Variants in LMX1A observed in about 807,000 individuals in gnomAD.
The protein encoded by LMX1A is LIM homeobox transcription factor 1-alpha.
Under a neutral mutation model 49.1 loss-of-function variants are expected in LMX1A, and 15 were observed. That is an observed-to-expected ratio of 0.31 (90% CI 0.20 to 0.47). The LOEUF (loss-of-function observed/expected upper bound fraction) is 0.47, where lower values mean the gene tolerates loss of function less well. Ranked by LOEUF, LMX1A falls within the 20% of genes least tolerant of loss-of-function variation. The pLI is 1.00. For missense variants in LMX1A, 372 were observed against 475.8 expected (o/e 0.78, Z 2.03); for synonymous variants, 167 against 185.7 (o/e 0.90, Z 0.82).
chr1:165,325,008 C>A (rs1655524417), intron 3 of LMX1A, among the ~76,000 whole-genome samples: 1 of 152,204 alleles, frequency 6.6e-6, no homozygotes, highest in Non-Finnish European at 1.5e-5. Flanking sequence ...CTTATGTGAG[C>A]TAAATGTCTC....
intron 6 of LMX1A, 130 bp downstream of exon 6, chr1:165,210,569 T>G (rs1173245325): frequency 9.8e-6 from 5 of 508,166 alleles, no homozygotes; most frequent in Non-Finnish European, 1.7e-5. Context: ...ATAACAGAAT[T>G]TTTGAATCAA....
At chr1:165,340,410 G>GT (rs1557889967) in intron 3 of LMX1A, among the ~76,000 whole-genome samples, 4 of 152,078 alleles carry the variant, frequency 2.6e-5, no homozygotes, top group African/African-American at 9.7e-5. Flanking sequence ...ACTACGCTTG[G>GT]TAAGGGCAAA....
chr1:165,273,875 A>T (rs1653881407), intron 3 of LMX1A, among the ~76,000 whole-genome samples: 1 of 152,348 alleles, frequency 6.6e-6, no homozygotes, highest in Non-Finnish European at 1.5e-5. Flanking sequence ...GGGAGGGCAT[A>T]GAGGACCATG....
chr1:165,297,302 T>C (rs1190959023), intron 3 of LMX1A, among the ~76,000 whole-genome samples: 1 of 152,242 alleles, frequency 6.6e-6, no homozygotes, highest in African/African-American at 2.4e-5. Flanking sequence ...AAAAGTCAGA[T>C]GCTCAGGCCA....
At chr1:165,257,945 C>T (rs780226473) in intron 3 of LMX1A, among the ~76,000 whole-genome samples, 1 of 152,236 alleles carries the variant, frequency 6.6e-6, no homozygotes, top group Non-Finnish European at 1.5e-5. Flanking sequence ...TCACAGCCAT[C>T]TGTAGCTTTG....
intron 4 of LMX1A, among the ~76,000 whole-genome samples, chr1:165,216,900 T>G (rs1651661353): frequency 6.6e-6 from 1 of 152,216 alleles, no homozygotes; most frequent in African/African-American, 2.4e-5. Flanking sequence ...GACTTAATTT[T>G]CTCATCAGGG....
intron 5 of LMX1A, among the ~76,000 whole-genome samples, chr1:165,211,681 T>C (rs1651403274): frequency 6.6e-6 from 1 of 152,186 alleles, no homozygotes; most frequent in Non-Finnish European, 1.5e-5. Context: ...CAGGTTTTTA[T>C]AGCACATCCT....
intron 4 of LMX1A, among the ~76,000 whole-genome samples, chr1:165,215,543 T>A (rs1651612267): frequency 6.6e-6 from 1 of 152,202 alleles, no homozygotes; most frequent in Non-Finnish European, 1.5e-5. Context: ...TTTTCTTTCC[T>A]CCTGTCCTCC....
chr1:165,236,684 A>G (rs1571168158), intron 4 of LMX1A, among the ~76,000 whole-genome samples: 1 of 151,824 alleles, frequency 6.6e-6, no homozygotes, highest in African/African-American at 2.4e-5. Flanking sequence ...AGAATGGCTG[A>G]TTAAGGTATT....
chr1:165,243,056 C>T (rs553627979), intron 4 of LMX1A, among the ~76,000 whole-genome samples: 5 of 151,832 alleles, frequency 3.3e-5, no homozygotes, highest in South Asian at 4.2e-4. Flanking sequence ...TAATGTCTAT[C>T]GTTCAGTTGA....
intron 3 of LMX1A, among the ~76,000 whole-genome samples, chr1:165,269,241 C>T (rs1410439086): frequency 1.3e-5 from 2 of 152,332 alleles, no homozygotes; most frequent in East Asian, 1.9e-4. Flanking sequence ...AATATCCTGC[C>T]GAGAATCAGC....
rs114490888 is a variant in LMX1A, at chr1:165,205,325, C to T, written c.988+539G>A. ...GGGTAAGTGGGAGAGGCTCAGCTACCCATATATGCAGCATTTAAATCAATG... is the reference window on the plus strand; with the variant it reads ...GGGTAAGTGGGAGAGGCTCAGCTACTCATATATGCAGCATTTAAATCAATG... On this transcript the variant is annotated intron_variant, in intron 8 of 8. Transcript: ENST00000342310. 2.0e-3 allele frequency among the ~76,000 whole-genome samples: 311 copies of T among 152,252 alleles called. 3 individuals are homozygous for T. Among genetic ancestry groups the T allele is most frequent in the African/African-American group, 7.1e-3 (293 of 41,542 alleles).
At chr1:165,283,959 C>G (rs1208876174) in intron 3 of LMX1A, among the ~76,000 whole-genome samples, 1 of 152,176 alleles carries the variant, frequency 6.6e-6, no homozygotes, top group African/African-American at 2.4e-5. Flanking sequence ...ATACTCATGG[C>G]CTGGACTGGC....
intron 3 of LMX1A, among the ~76,000 whole-genome samples, chr1:165,251,259 T>C (rs1033416039): frequency 2.0e-5 from 3 of 152,044 alleles, no homozygotes; most frequent in African/African-American, 7.2e-5. Flanking sequence ...ATTTTTGTAT[T>C]TTTAGTAGAG....
chr1:165,343,258 T>C (rs1656133327), intron 3 of LMX1A, among the ~76,000 whole-genome samples: 1 of 152,144 alleles, frequency 6.6e-6, no homozygotes, highest in African/African-American at 2.4e-5. Context: ...TTGCCCATGG[T>C]AACACAGCTA....
intron 4 of LMX1A, among the ~76,000 whole-genome samples, chr1:165,247,054 C>CTTTTTTTTTTTTTTTTTTT (rs71097567): frequency 0.013 from 706 of 53,218 alleles, 239 homozygotes; most frequent in East Asian, 0.02. Context: ...TCAGCTTTTT[C>CTTTTTTTTTTTTTTTTTTT]TTTTTTTTTT....
At chr1:165,273,917 C>T (rs1015710814) in intron 3 of LMX1A, among the ~76,000 whole-genome samples, 1 of 152,222 alleles carries the variant, frequency 6.6e-6, no homozygotes, top group African/African-American at 2.4e-5. Flanking sequence ...CCAGTGGAGA[C>T]AAGAGATGTG....
chr1:165,334,629 T>A (rs1179621118), intron 3 of LMX1A, among the ~76,000 whole-genome samples: 1 of 136,240 alleles, frequency 7.3e-6, no homozygotes, highest in African/African-American at 2.5e-5. Flanking sequence ...ATGAGGAAGC[T>A]AAATACTGTG....
intron 3 of LMX1A, among the ~76,000 whole-genome samples, chr1:165,269,660 T>C (rs1471458088): frequency 1.3e-5 from 2 of 152,070 alleles, no homozygotes; most frequent in African/African-American, 4.8e-5. Context: ...CCATCAATGG[T>C]AGATTGGATT....
Sources: gnomAD v4.1 joint callset for allele counts (sites outside exome capture counted in the v4.1 genomes callset) on GRCh38, gnomAD v4.1.1 for gene constraint, MANE v1.5 for transcripts, NCBI Gene and HGNC (gene_info 2026-07-23, HGNC 2026-07-21) for gene names.